GLIS1: variants seen among roughly 807,000 people sequenced by gnomAD.
GLIS1 encodes the protein zinc finger protein GLIS1.
A neutral mutation model predicts 63.8 loss-of-function variants in GLIS1; 24 were observed. The ratio of observed to expected loss-of-function variants is 0.38; its 90% CI spans 0.27 to 0.53. GLIS1 has a LOEUF of 0.53. GLIS1 is among the 20% of genes least tolerant of loss of function. The pLI, the probability that GLIS1 is intolerant of heterozygous loss-of-function variation, is 0.85. For synonymous variants in GLIS1, 450 were observed against 482.5 expected (o/e 0.93, Z 0.88); for missense variants, 1,036 against 1,074.1 (o/e 0.96, Z 0.50).
chr1:53,537,087 G>A (rs928629159), intron 4 of GLIS1, among the ~76,000 whole-genome samples: 1 of 152,204 alleles, frequency 6.6e-6, no homozygotes, highest in African/African-American at 2.4e-5. Flanking sequence ...CGCTCACAGA[G>A]CAGAGGGCAG....
At chr1:53,723,323 C>T (rs1475470186) in intron 2 of GLIS1, among the ~76,000 whole-genome samples, 3 of 151,088 alleles carry the variant, frequency 2.0e-5, no homozygotes, top group Admixed American at 2.0e-4. Flanking sequence ...GCAACCTCTA[C>T]CTCCCATGTT....
chr1:53,537,513 G>C (rs931608963), intron 4 of GLIS1, among the ~76,000 whole-genome samples: 2 of 152,242 alleles, frequency 1.3e-5, no homozygotes, highest in African/African-American at 4.8e-5. Context: ...ACCACCGGGA[G>C]CCTGAACCTG....
intron 7 of GLIS1, among the ~76,000 whole-genome samples, chr1:53,518,448 G>C (rs1285075425): frequency 6.6e-6 from 1 of 152,218 alleles, no homozygotes; most frequent in Non-Finnish European, 1.5e-5. Context: ...TGCTGGCTGT[G>C]CATGATTGTA....
chr1:53,634,746 G>A (rs1435233431), intron 2 of GLIS1, among the ~76,000 whole-genome samples: 1 of 152,142 alleles, frequency 6.6e-6, no homozygotes, highest in Non-Finnish European at 1.5e-5. Context: ...AAGCACCTGC[G>A]AGGCCACCTC....
chr1:53,704,134 T>A (rs1205525330), intron 2 of GLIS1, among the ~76,000 whole-genome samples: 1 of 152,262 alleles, frequency 6.6e-6, no homozygotes, highest in Non-Finnish European at 1.5e-5. Flanking sequence ...TAAGATGATA[T>A]GTGGCCTTTG....
At chr1:53,549,912 C>T (rs1644741842) in intron 4 of GLIS1, among the ~76,000 whole-genome samples, 1 of 152,178 alleles carries the variant, frequency 6.6e-6, no homozygotes, top group South Asian at 2.1e-4. Context: ...ACCTAGGAGG[C>T]CACAGAATGA....
chr1:53,655,144 G>A (rs1645950702), intron 2 of GLIS1, among the ~76,000 whole-genome samples: 1 of 152,172 alleles, frequency 6.6e-6, no homozygotes, highest in South Asian at 2.1e-4. Context: ...AACTGAGGCT[G>A]AAAATGGCTA....
chr1:53,650,732 G>A lies in GLIS1; in HGVS notation c.260-50454C>T, dbSNP rs1023746914. Among the ~76,000 whole-genome samples the A allele has an allele frequency of 3.3e-5, 5 of 152,134 alleles. No homozygotes were observed. In the East Asian group the frequency reaches 5.8e-4, roughly 18 times the overall value. On this transcript the variant is annotated intron_variant, in intron 2 of 10. Coordinates refer to ENST00000628545, the MANE Select transcript of GLIS1 (RefSeq NM_001367484.1). Reference sequence around the variant, plus strand: ...GCATGGGGAACAAAGGCAGGTCTCCGGTAATTACAGACTAAAGAGATGGCG... The same window carrying A: ...GCATGGGGAACAAAGGCAGGTCTCCAGTAATTACAGACTAAAGAGATGGCG...
intron 10 of GLIS1, 144 bp from the exon 11 acceptor site, chr1:53,506,920 T>G: frequency 1.2e-6 from 1 of 857,766 alleles, no homozygotes; most frequent in Non-Finnish European, 1.7e-6. Flanking sequence ...AGCCCCCAAC[T>G]TTTCCAAATG....
At chr1:53,571,800 G>A (rs930939534) in intron 4 of GLIS1, among the ~76,000 whole-genome samples, 1 of 151,706 alleles carries the variant, frequency 6.6e-6, no homozygotes, top group Non-Finnish European at 1.5e-5. Context: ...GGATGGTCTC[G>A]ATCTCCTGAC....
intron 2 of GLIS1, among the ~76,000 whole-genome samples, chr1:53,618,387 C>T (rs1439024199): frequency 6.6e-6 from 1 of 152,184 alleles, no homozygotes; most frequent in Non-Finnish European, 1.5e-5. Flanking sequence ...GATGCAGGCC[C>T]CTAGGGTGGG....
chr1:53,583,046 C>G (rs2950252), intron 4 of GLIS1, among the ~76,000 whole-genome samples: 87,046 of 152,116 alleles, frequency 0.57, 27,158 homozygotes, highest in East Asian at 0.77. Flanking sequence ...AGCCAAACTG[C>G]CTCCCAAAAC....
In GLIS1 at chr1:53,594,255, G is replaced by T. The variant is rs756693688; in HGVS notation, c.1173C>A (p.Ile391=). The T allele has an allele frequency of 1.2e-6, 2 of 1,613,578 alleles. No homozygotes were observed. Among genetic ancestry groups the T allele is most frequent in the South Asian group, 1.1e-5 (1 of 91,088 alleles). Residue 391 remains isoleucine (I), a synonymous_variant, in exon 4 of 11, where the codon ATC becomes ATA. Coordinates refer to ENST00000628545, the MANE Select transcript of GLIS1 (RefSeq NM_001367484.1). The part of the protein sequence containing the change: ...YEQQEELVRH[I]EKSHIDQRKG... ...TGCGCTGGTCGATGTGGCTCTTCTC[G>T]ATGTGCCGCACCAGCTCCTCCTGCT...
intron 2 of GLIS1, among the ~76,000 whole-genome samples, chr1:53,636,476 T>G (rs545744285): frequency 3.9e-5 from 6 of 152,356 alleles, no homozygotes; most frequent in Admixed American, 2.0e-4. Context: ...TAAAGAATAT[T>G]TGCAAAAAGC....
At chr1:53,661,350 G>A (rs2100362050) in intron 2 of GLIS1, among the ~76,000 whole-genome samples, 1 of 152,320 alleles carries the variant, frequency 6.6e-6, no homozygotes, top group South Asian at 2.1e-4. Context: ...GAAGGCAGAG[G>A]AGGAGTTAAG....
chr1:53,733,617 C>T (rs937312870), intron 2 of GLIS1, among the ~76,000 whole-genome samples: 1 of 152,180 alleles, frequency 6.6e-6, no homozygotes, highest in African/African-American at 2.4e-5. Context: ...AATTATATTT[C>T]CGCTACATGT....
chr1:53,648,889 C>T (rs1009967789), intron 2 of GLIS1, among the ~76,000 whole-genome samples: 4 of 152,146 alleles, frequency 2.6e-5, no homozygotes, highest in African/African-American at 7.2e-5. Flanking sequence ...ATAGTAATTA[C>T]GTAAATACTG....
Position 53,734,202 on chromosome 1 carries a change from G to A in GLIS1, c.259+3604C>T, listed in dbSNP as rs917234479. 17 of 985,070 alleles carry A rather than the reference G, an allele frequency of 1.7e-5. No individual in the cohort carries two copies. The African/African-American group carries it at 3.0e-4, about 17-fold the overall frequency. The allele number at this position is 985,070 out of a possible 1,614,324, so 61.0% of individuals were successfully genotyped here. ...AGGATGCATCCAGTCTCAGTACACA[G>A]TGAAAGGGCCCAGTGAGTCACTGTA... On this transcript the variant is annotated intron_variant, in intron 2 of 10. Coordinates refer to ENST00000628545, the MANE Select transcript of GLIS1 (RefSeq NM_001367484.1).
chr1:53,698,022 C>G (rs1450388954), intron 2 of GLIS1, among the ~76,000 whole-genome samples: 1 of 152,198 alleles, frequency 6.6e-6, no homozygotes, highest in African/African-American at 2.4e-5. Context: ...CATCCGTTTC[C>G]TGACATCTGC....
Sources: allele counts gnomAD v4.1 joint callset (sites outside exome capture counted in the v4.1 genomes callset), GRCh38; gene constraint gnomAD v4.1.1; transcripts MANE v1.5; gene names NCBI Gene and HGNC (gene_info 2026-07-23, HGNC 2026-07-21).